Variants in HSPA13 observed in about 807,000 individuals in gnomAD.
The protein encoded by HSPA13 is heat shock protein family A (Hsp70) member 13, also known as heat shock 70 kDa protein 13.
HSPA13 carries 29 observed loss-of-function variants against 38.8 expected under a neutral mutation model. The observed-to-expected ratio is 0.75, with a 90% CI of 0.56 to 1.02. The LOEUF (loss-of-function observed/expected upper bound fraction) is 1.02, where lower values mean the gene tolerates loss of function less well. HSPA13 is among the 50% of genes least tolerant of loss of function. The probability of loss-of-function intolerance (pLI) is 0.00; values close to 1 mark genes in which losing one functional copy is unlikely to be tolerated. For synonymous variants in HSPA13, 192 were observed against 205.3 expected (o/e 0.94, Z 0.56); for missense variants, 451 against 560.9 (o/e 0.80, Z 1.98).
chr21:14,375,491 A>ATT (rs34202425), intron 4 of HSPA13, among the ~76,000 whole-genome samples, 161 bp downstream of exon 4: 1,506 of 128,550 alleles, frequency 0.012, 26 homozygotes, highest in African/African-American at 0.041. Context: ...TTTTTCTGTA[A>ATT]TTTTTTTTTT....
At chr21:14,377,720 A>G (rs1372724712) in intron 3 of HSPA13, among the ~76,000 whole-genome samples, 1 of 152,210 alleles carries the variant, frequency 6.6e-6, no homozygotes, top group Non-Finnish European at 1.5e-5. Context: ...AGCAGGCAGA[A>G]GAATGTCGGA....
At chr21:14,381,959 T>A (rs73159707) in intron 1 of HSPA13, among the ~76,000 whole-genome samples, 15,405 of 152,242 alleles carry the variant, frequency 0.1, 1,050 homozygotes, top group Non-Finnish European at 0.14. Context: ...TATCTTTTTT[T>A]AAAAGCTCCA....
intron 3 of HSPA13, 100 bp downstream of exon 3, chr21:14,378,099 C>T (rs2123525976): frequency 1.2e-6 from 1 of 827,246 alleles, no homozygotes; most frequent in Admixed American, 2.1e-5. Flanking sequence ...TTTATTTTGA[C>T]TATGGTTGTG....
Position 14,373,285 on chromosome 21 carries a change from T to C in HSPA13, c.*332A>G. ...CTGGGAATCTCATAACTGGCACTACTTAATGTTTATAGAATATAATGTTAA... is the reference window on the plus strand; with the variant it reads ...CTGGGAATCTCATAACTGGCACTACCTAATGTTTATAGAATATAATGTTAA... On this transcript the variant is annotated 3_prime_UTR_variant, in exon 5 of 5. Transcript: ENST00000285667. 5.0e-6 allele frequency: 1 copy of C among 198,364 alleles called. No individual in the cohort carries two copies. Among genetic ancestry groups the C allele is most frequent in the Non-Finnish European group, 1.0e-5 (1 of 96,086 alleles). The allele number at this position is 198,364 out of a possible 1,614,324, so 12.3% of individuals were successfully genotyped here. A position where few individuals can be genotyped will look rare whatever the true frequency, so the allele number is the denominator to read the frequency against.
chr21:14,374,125 T>G lies in HSPA13; in HGVS notation c.908A>C (p.Gln303Pro). ...TAGTAATACTGACAACTGAGCAGAT[T>G]GATGAAGAGTCAGATTTAATTTGAC... Reference protein sequence around the residue: ...EMVKLNLTLHQSAQLSVLLTV... With the variant: ...EMVKLNLTLHPSAQLSVLLTV... Residue 303 changes from glutamine to proline, a missense_variant, in exon 5 of 5, where the codon CAA (glutamine) becomes CCA (proline). Physicochemically the swap from Gln to Pro is moderately conservative, Grantham distance 76 (BLOSUM62 -1). Transcript: ENST00000285667. 1.9e-6 allele frequency: 3 copies of G among 1,614,032 alleles called. No individual in the cohort carries two copies. Among genetic ancestry groups the G allele is most frequent in the Middle Eastern group, 1.6e-4 (1 of 6,084 alleles).
At chr21:14,376,142 G>A (rs974812626) in intron 3 of HSPA13, among the ~76,000 whole-genome samples, 3 of 152,110 alleles carry the variant, frequency 2.0e-5, no homozygotes, top group Non-Finnish European at 2.9e-5. Context: ...ATTCTACTTT[G>A]GAATATATGA....
At chr21:14,383,071 C>A (rs372970689) in intron 1 of HSPA13, 24 bp downstream of exon 1, 1 of 1,614,062 alleles carries the variant, frequency 6.2e-7, no homozygotes, top group Non-Finnish European at 8.5e-7. Flanking sequence ...CCCGCAAGAG[C>A]AACAAGGACC....
At chr21:14,377,979 C>G (rs1263631838) in intron 3 of HSPA13, among the ~76,000 whole-genome samples, 2 of 152,216 alleles carry the variant, frequency 1.3e-5, no homozygotes, top group Admixed American at 6.5e-5. Flanking sequence ...TGGGACTTCA[C>G]CCTGTGATAG....
Position 14,378,350 on chromosome 21 carries a change from G to A in HSPA13, c.429C>T (p.Ser143=). 1 of 1,613,976 alleles carries A rather than the reference G, an allele frequency of 6.2e-7. No homozygotes were observed. Among genetic ancestry groups the A allele is most frequent in the East Asian group, 2.2e-5 (1 of 44,870 alleles). Reference sequence around the variant, plus strand: ...ATAGTCGAGAGCCAACATATTCTGGGGACACTGTGATGGTCTCATTACTTG... The same window carrying A: ...ATAGTCGAGAGCCAACATATTCTGGAGACACTGTGATGGTCTCATTACTTG... ...SVTSNETITV[S]PEYVGSRLLL... is the part of the protein sequence containing the mutation. The change falls in exon 3 of 5, where the codon TCC becomes TCT. Residue 143 remains serine (S), a synonymous_variant. Coordinates refer to ENST00000285667, the MANE Select transcript of HSPA13 (RefSeq NM_006948.5).
chr21:14,383,031 C>T (rs1984212709), intron 1 of HSPA13, 64 bp downstream of exon 1: 1 of 1,589,392 alleles, frequency 6.3e-7, no homozygotes, highest in Non-Finnish European at 8.6e-7. Context: ...CCACCCCTGC[C>T]CACTCTGGCA....
chr21:14,373,945 G>C lies in HSPA13; in HGVS notation c.1088C>G (p.Thr363Arg), dbSNP rs1278459028. 39 of 1,614,168 alleles carry C rather than the reference G, an allele frequency of 2.4e-5. No individual in the cohort carries two copies. The highest frequency in any genetic ancestry group is 1.8e-4 in the South Asian group (16 of 91,088). The change falls in exon 5 of 5, where the codon ACA becomes AGA. Residue 363 changes from threonine to arginine, a missense_variant. Transcript: ENST00000285667. ...ATCAAAGAGTTTCCGTGATATTTCT[G>C]TTTCAAATAAAACCTGACTTTCTCC... ...KSGESQVLFE[T>R]EISRKLFDTL...
At chr21:14,377,084 T>G (rs1272183978) in intron 3 of HSPA13, among the ~76,000 whole-genome samples, 1 of 152,214 alleles carries the variant, frequency 6.6e-6, no homozygotes, top group Non-Finnish European at 1.5e-5. Flanking sequence ...GAATAGAGGC[T>G]AGGGACGCTG....
intron 3 of HSPA13, among the ~76,000 whole-genome samples, chr21:14,376,425 A>T (rs947538387): frequency 3.9e-5 from 6 of 152,248 alleles, no homozygotes; most frequent in African/African-American, 1.4e-4. Context: ...AAAATAAAAA[A>T]AAATAAAAAA....
At chr21:14,378,152 C>G (rs767099306) in intron 3 of HSPA13, 47 bp downstream of exon 3, 2 of 1,477,962 alleles carry the variant, frequency 1.4e-6, no homozygotes, top group Admixed American at 3.4e-5. Context: ...GGTTTTCAAC[C>G]CAACACAATT....
chr21:14,382,501 A>C (rs1170782328), intron 1 of HSPA13, among the ~76,000 whole-genome samples: 1 of 152,094 alleles, frequency 6.6e-6, no homozygotes, highest in African/African-American at 2.4e-5. Context: ...TGTGTTACTA[A>C]TTGTTAGCTC....
In HSPA13 at chr21:14,381,523, GGA is replaced by G. The variant is rs1568723883; in HGVS notation, c.44_45del (p.Leu15ProfsTer17). The part of the protein sequence containing the change: ...MTILGSAVLT[L>X]LLAGYLAQQY... ...TGTTGTGCCAAATAGCCGGCCAACA[GGA>G]GAGTCAAAACAGCCGATCCTGAAAT... On this transcript the variant is annotated frameshift_variant, in exon 2 of 5. Coordinates refer to ENST00000285667, the MANE Select transcript of HSPA13 (RefSeq NM_006948.5). LOFTEE classifies it high-confidence loss of function. The G allele has an allele frequency of 6.3e-7, 1 of 1,596,502 alleles. No homozygotes were observed. Among genetic ancestry groups the G allele is most frequent in the East Asian group, 2.3e-5 (1 of 44,402 alleles).
At chr21:14,376,617 G>T (rs1182827643) in intron 3 of HSPA13, among the ~76,000 whole-genome samples, 1 of 152,096 alleles carries the variant, frequency 6.6e-6, no homozygotes, top group Non-Finnish European at 1.5e-5. Flanking sequence ...AAACTCTAAA[G>T]AATTATTCCA....
chr21:14,375,534 G>GT (rs1983998825), intron 4 of HSPA13, 118 bp downstream of exon 4: 2 of 463,258 alleles, frequency 4.3e-6, no homozygotes, highest in South Asian at 5.1e-5. Context: ...GGGTTTCACC[G>GT]TGTTAGCCAG....
chr21:14,372,999 T>G lies in HSPA13; in HGVS notation c.*618A>C, dbSNP rs1168832047. ...CCTTTAGAAATAAAATAAATTCATC[T>G]ATTAAACACATAAAACTCCTGGAGA... is the stretch of plus-strand genomic sequence containing the variant. On this transcript the variant is annotated 3_prime_UTR_variant, in exon 5 of 5. Coordinates refer to ENST00000285667, the MANE Select transcript of HSPA13 (RefSeq NM_006948.5). 1 of 152,242 alleles carries G rather than the reference T, an allele frequency of 6.6e-6. No individual in the cohort carries two copies. The highest frequency in any genetic ancestry group is 1.5e-5 in the Non-Finnish European group (1 of 68,038). 9.4% of individuals were successfully genotyped at this position (152,242 alleles called of 1,614,324 possible). A position where few individuals can be genotyped will look rare whatever the true frequency, so the allele number is the denominator to read the frequency against.
Sources: allele counts gnomAD v4.1 joint callset (sites outside exome capture counted in the v4.1 genomes callset), GRCh38; gene constraint gnomAD v4.1.1; transcripts MANE v1.5; gene names NCBI Gene and HGNC (gene_info 2026-07-23, HGNC 2026-07-21).